CCDC12: variants seen among roughly 807,000 people sequenced by gnomAD.
CCDC12 encodes coiled-coil domain-containing protein 12.
CCDC12 carries 28 observed loss-of-function variants against 25.7 expected under a neutral mutation model. The observed-to-expected ratio is 1.09, with a 90% confidence interval of 0.81 to 1.50. The LOEUF is 1.50. Among genes scored for constraint, CCDC12 ranks in the 40% most tolerant of loss-of-function variants. CCDC12 has a pLI of 0.00. For synonymous variants in CCDC12, 75 were observed against 87.7 expected (o/e 0.86, Z 0.81); for missense variants, 198 against 210.0 (o/e 0.94, Z 0.35).
chr3:46,933,539 T>C lies in CCDC12; in HGVS notation c.164+7459A>G, dbSNP rs116771490. On this transcript the variant is annotated intron_variant, in intron 2 of 6. Transcript: ENST00000683445. Reference sequence around the variant, plus strand: ...AATGAGGCCCCTGCCCTGCTGGAGCTGCCATCGCATCTGCATCATGCGGTC... The same window carrying C: ...AATGAGGCCCCTGCCCTGCTGGAGCCGCCATCGCATCTGCATCATGCGGTC... Among the ~76,000 whole-genome samples the C allele has an allele frequency of 5.8e-3, 888 of 152,366 alleles. 11 individuals carry two copies. The highest frequency in any genetic ancestry group is 0.021 in the African/African-American group (860 of 41,592).
At chr3:46,955,726 T>C (rs1320603043) in intron 1 of CCDC12, among the ~76,000 whole-genome samples, 1 of 152,152 alleles carries the variant, frequency 6.6e-6, no homozygotes, top group Admixed American at 6.5e-5. Context: ...TAAAGAGCAT[T>C]TAGCAAAGCC....
Position 46,941,067 on chromosome 3 carries a change from T to C in CCDC12, c.97-2A>G. 6.2e-7 allele frequency: 1 copy of C among 1,614,120 alleles called. No individual in the cohort carries two copies. The highest frequency in any genetic ancestry group is 8.5e-7 in the Non-Finnish European group (1 of 1,179,984). Reference sequence around the variant, plus strand: ...CTTTGGCTCCCCATCTTCCTTGTCCTGCAAAGAAAGGGAGAAAACCACCAG... The same window carrying C: ...CTTTGGCTCCCCATCTTCCTTGTCCCGCAAAGAAAGGGAGAAAACCACCAG... On this transcript the variant is annotated splice_acceptor_variant, in intron 1 of 6. Coordinates refer to ENST00000683445, the MANE Select transcript of CCDC12 (RefSeq NM_001277074.2). LOFTEE classifies it high-confidence loss of function.
intron 1 of CCDC12, among the ~76,000 whole-genome samples, chr3:46,944,514 CCT>C (rs1224611232): frequency 5.3e-5 from 8 of 152,060 alleles, no homozygotes; most frequent in Non-Finnish European, 1.2e-4. Flanking sequence ...CTTCGCTCAC[CCT>C]GAGACCTTTA....
chr3:46,981,676 T>C (rs1340752667), upstream of CCDC12, among the ~76,000 whole-genome samples: 3 of 152,100 alleles, frequency 2.0e-5, no homozygotes, highest in African/African-American at 7.2e-5. Context: ...CCCATAGCTA[T>C]GGGCAGGCTC....
chr3:46,925,730 G>A (rs777396031), intron 2 of CCDC12, among the ~76,000 whole-genome samples, 195 bp from the exon 3 acceptor site: 6 of 152,234 alleles, frequency 3.9e-5, no homozygotes, highest in South Asian at 2.1e-4. Flanking sequence ...GCCACTTAGC[G>A]GGACTGGCTG....
At chr3:46,963,312 G>C (rs569909229) in intron 1 of CCDC12, among the ~76,000 whole-genome samples, 1 of 152,228 alleles carries the variant, frequency 6.6e-6, no homozygotes, top group South Asian at 2.1e-4. Context: ...TAATTAAAAA[G>C]ATTTTTTATG....
intron 1 of CCDC12, among the ~76,000 whole-genome samples, chr3:46,975,333 TGCC>T (rs2034933380): frequency 1.3e-5 from 2 of 150,796 alleles, no homozygotes; most frequent in South Asian, 4.2e-4. Context: ...TACAGGTGCC[TGCC>T]ACCACACCTG....
intron 1 of CCDC12, among the ~76,000 whole-genome samples, chr3:46,948,834 C>T (rs910118386): frequency 2.6e-5 from 4 of 152,218 alleles, no homozygotes; most frequent in African/African-American, 9.6e-5. Context: ...CCCAAGTCAA[C>T]TCTGATCCTA....
Position 46,925,469 on chromosome 3 carries a change from G to A in CCDC12, c.231C>T (p.Ala77=). Residue 77 remains alanine (A), a synonymous_variant, in exon 3 of 7, where the codon GCC becomes GCT. Transcript: ENST00000683445. ...CAGCTTGCTTACCTGCAACCGGTTT[G>A]GCCTGGGGCACCCTCCTCTTCTTCA... ...EDLKKRRVPQ[A]KPVAVEEKVK... 6.2e-7 allele frequency: 1 copy of A among 1,612,758 alleles called. No homozygotes were observed.
chr3:46,922,205 A>C (rs771894341), intron 6 of CCDC12, 31 bp downstream of exon 6: 9 of 1,614,016 alleles, frequency 5.6e-6, no homozygotes, highest in Non-Finnish European at 7.6e-6. Context: ...CCCAGTGGGC[A>C]GGACCCCACC....
chr3:46,976,977 A>G (rs952776676), upstream of CCDC12: 29 of 602,072 alleles, frequency 4.8e-5, no homozygotes, highest in Non-Finnish European at 7.9e-5. Flanking sequence ...AAAGAAAAAA[A>G]AAAAAGCTAA....
chr3:46,969,236 A>T (rs559652541), intron 1 of CCDC12, among the ~76,000 whole-genome samples: 10 of 152,146 alleles, frequency 6.6e-5, no homozygotes, highest in Admixed American at 6.5e-4. Flanking sequence ...GACCCTCCCT[A>T]GTACTCCCAA....
intron 1 of CCDC12, among the ~76,000 whole-genome samples, chr3:46,941,684 C>CATG (rs1258916480): frequency 6.6e-6 from 1 of 152,164 alleles, no homozygotes; most frequent in Non-Finnish European, 1.5e-5. Context: ...GAAATGCAGC[C>CATG]ACTTGGTGCC....
chr3:46,938,923 C>T lies in CCDC12; in HGVS notation c.164+2075G>A, dbSNP rs544180898. On this transcript the variant is annotated intron_variant, in intron 2 of 6. Coordinates refer to ENST00000683445, the MANE Select transcript of CCDC12 (RefSeq NM_001277074.2). ...CCTGTTTCCTCCTTGCTTCCCCAGACAGCAATCGGAGGCATCACTCCTCAT... is the reference window on the plus strand; with the variant it reads ...CCTGTTTCCTCCTTGCTTCCCCAGATAGCAATCGGAGGCATCACTCCTCAT... Among the ~76,000 whole-genome samples the T allele has an allele frequency of 5.3e-5, 8 of 152,274 alleles. No individual in the cohort carries two copies. In the South Asian group the frequency reaches 1.2e-3, roughly 24 times the overall value.
chr3:46,968,672 C>T (rs978956478), intron 1 of CCDC12, among the ~76,000 whole-genome samples: 1 of 152,182 alleles, frequency 6.6e-6, no homozygotes, highest in South Asian at 2.1e-4. Flanking sequence ...CTCTCCACTC[C>T]ACCACTAGGC....
intron 2 of CCDC12, among the ~76,000 whole-genome samples, chr3:46,926,749 A>G (rs374624607): frequency 1.3e-5 from 2 of 152,194 alleles, no homozygotes; most frequent in South Asian, 2.1e-4. Context: ...GCCAGGTGAG[A>G]CTAGGCCGCA....
At chr3:46,940,719 T>G in intron 2 of CCDC12, 2 of 443,680 alleles carry the variant, frequency 4.5e-6, no homozygotes, top group Non-Finnish European at 8.2e-6. Flanking sequence ...CCACAAAAGG[T>G]GTATGAGAAG....
chr3:46,941,329 G>A (rs551019716), intron 1 of CCDC12, among the ~76,000 whole-genome samples: 11 of 152,318 alleles, frequency 7.2e-5, no homozygotes, highest in East Asian at 3.9e-4. Context: ...TCAGGAGGCC[G>A]AGGTGGGCGG....
intron 2 of CCDC12, among the ~76,000 whole-genome samples, chr3:46,938,677 C>T (rs1433522991): frequency 1.3e-5 from 2 of 151,650 alleles, no homozygotes; most frequent in Admixed American, 6.6e-5. Flanking sequence ...CTGGTGAAAC[C>T]ATGTTGTTTT....
Sources: gnomAD v4.1 joint callset for allele counts (sites outside exome capture counted in the v4.1 genomes callset) on GRCh38, gnomAD v4.1.1 for gene constraint, MANE v1.5 for transcripts, NCBI Gene and HGNC (gene_info 2026-07-23, HGNC 2026-07-21) for gene names.